Variants in SLC48A1 observed in about 807,000 individuals in gnomAD.
SLC48A1 encodes the protein solute carrier family 48 member 1.
Under a neutral mutation model 14.8 loss-of-function variants are expected in SLC48A1, and 6 were observed. That is an observed-to-expected ratio of 0.41 (90% CI 0.22 to 0.80). SLC48A1 has a LOEUF of 0.80. Ranked by LOEUF, SLC48A1 falls within the 30% of genes least tolerant of loss-of-function variation. SLC48A1 has a pLI of 0.34. For synonymous variants in SLC48A1, 89 were observed against 90.0 expected (o/e 0.99, Z 0.06); for missense variants, 165 against 204.8 (o/e 0.81, Z 1.19).
At chr12:47,761,629 C>G (rs1942383609) in intron 2 of SLC48A1, among the ~76,000 whole-genome samples, 1 of 152,192 alleles carries the variant, frequency 6.6e-6, no homozygotes, top group Non-Finnish European at 1.5e-5. Context: ...CTAGAAGGGG[C>G]AGAGGACTGG....
At chr12:47,780,057 G>C in intron 2 of SLC48A1, 88 bp from the exon 3 acceptor site, 3 of 1,428,378 alleles carry the variant, frequency 2.1e-6, no homozygotes, top group Non-Finnish European at 2.8e-6. Context: ...GGGATGTTGA[G>C]TGGGGAGGGT....
chr12:47,760,271 C>A (rs1342049451), exon 2 of SLC48A1: 1 of 985,288 alleles, frequency 1.0e-6, no homozygotes. Flanking sequence ...AATGCCTCTC[C>A]GGGGAAGGAG....
chr12:47,765,069 T>C (rs1421382930), intron 2 of SLC48A1, among the ~76,000 whole-genome samples: 2 of 86,346 alleles, frequency 2.3e-5, no homozygotes, highest in African/African-American at 4.8e-5. Flanking sequence ...AGAGTGAGAC[T>C]CTGTCTCAAA....
At chr12:47,774,221 C>G (rs980982183) in intron 1 of SLC48A1, among the ~76,000 whole-genome samples, 2 of 152,334 alleles carry the variant, frequency 1.3e-5, no homozygotes, top group South Asian at 4.1e-4. Context: ...CACATTTGGG[C>G]TCGCAGTTTA....
rs1592609934 is a variant in SLC48A1 at position 47,778,831 on chromosome 12, T to C, written c.137-197T>C. 17 of 495,300 alleles carry C rather than the reference T, an allele frequency of 3.4e-5. No homozygotes were observed. In the East Asian group the frequency reaches 5.4e-4, roughly 16 times the overall value. The allele number at this position is 495,300 out of a possible 1,614,324, so 30.7% of individuals were successfully genotyped here. ...TTTGTATTTCTGCAGGTTTCTCTAA[T>C]GTTGGGCTTACTAGCAGGCAGCTCA... is the stretch of plus-strand genomic sequence containing the variant. On this transcript the variant is annotated intron_variant, in intron 1 of 2. Transcript: ENST00000442218.
chr12:47,757,889 T>A, upstream of SLC48A1: 4 of 1,555,752 alleles, frequency 2.6e-6, no homozygotes, highest in Non-Finnish European at 3.5e-6. Flanking sequence ...TGGATGCAGC[T>A]CGGACGCTGG....
intron 1 of SLC48A1, 44 bp downstream of exon 1, chr12:47,773,484 G>A (rs1942672725): frequency 7.8e-7 from 1 of 1,289,694 alleles, no homozygotes; most frequent in Non-Finnish European, 9.9e-7. Context: ...GCGCGGCTGC[G>A]GGGCGGGCGC....
At chr12:47,764,527 C>T (rs1000875369) in intron 2 of SLC48A1, among the ~76,000 whole-genome samples, 8 of 152,186 alleles carry the variant, frequency 5.3e-5, no homozygotes, top group African/African-American at 9.7e-5. Flanking sequence ...GGGCCCTGTT[C>T]CCTGCTTAGG....
rs559548972 is a variant in SLC48A1 at position 47,777,776 on chromosome 12, C to T, written c.137-1252C>T. ...AGCGTAGATAAAATAGCATAGATTT[C>T]CCACCCAGCCTAAGAAACAAAATAG... On this transcript the variant is annotated intron_variant, in intron 1 of 2. Transcript: ENST00000442218. This position sits in a 1 kb window ranked among gnomAD's most constrained non-coding sequence, Gnocchi z 4.5. Among the ~76,000 whole-genome samples the T allele has an allele frequency of 6.6e-6, 1 of 152,312 alleles. No homozygotes were observed. Among genetic ancestry groups the T allele is most frequent in the African/African-American group, 2.4e-5 (1 of 41,552 alleles).
rs951814336 is a variant in SLC48A1 at position 47,758,758 on chromosome 12, T to C, written c.-373+98T>C. ...GGTGGAGAGGCTCCTCTTGGGTGAG[T>C]AGAGGGGTGGGGGCGTGGTGGGGGG... On this transcript the variant is annotated intron_variant, in intron 1 of 4. Transcript: ENST00000547002. 2.5e-5 allele frequency: 31 copies of C among 1,243,250 alleles called. No homozygotes were observed. The African/African-American group carries it at 3.9e-4, about 16-fold the overall frequency. 77.0% of individuals were successfully genotyped at this position (1,243,250 alleles called of 1,614,324 possible).
intron 1 of SLC48A1, among the ~76,000 whole-genome samples, chr12:47,776,565 G>A (rs557745712): frequency 6.6e-6 from 1 of 152,348 alleles, no homozygotes; most frequent in East Asian, 1.9e-4. Flanking sequence ...GCCAGGGCGT[G>A]GGCAGCAGGC....
chr12:47,778,871 T>A, intron 1 of SLC48A1, 157 bp from the exon 2 acceptor site: 1 of 821,178 alleles, frequency 1.2e-6, no homozygotes, highest in Non-Finnish European at 1.8e-6. Context: ...CTTACCTGCT[T>A]CTGATATCAC....
At chr12:47,761,555 G>A (rs1942381446) in intron 2 of SLC48A1, among the ~76,000 whole-genome samples, 1 of 152,200 alleles carries the variant, frequency 6.6e-6, no homozygotes, top group Non-Finnish European at 1.5e-5. Context: ...GCCTTCTCAG[G>A]ATCCCTGGAT....
upstream of SLC48A1, among the ~76,000 whole-genome samples, chr12:47,767,634 T>C (rs140177336): frequency 6.6e-6 from 1 of 152,186 alleles, no homozygotes; most frequent in African/African-American, 2.4e-5. Flanking sequence ...AAAGTAAAAA[T>C]ACAATTTTTT....
chr12:47,773,130 C>T (rs1460152526), upstream of SLC48A1: 2 of 926,792 alleles, frequency 2.2e-6, no homozygotes, highest in African/African-American at 3.6e-5. Context: ...GTTCCGGGCG[C>T]GGGCGGCCTC....
At chr12:47,762,786 C>T (rs973132235) in intron 2 of SLC48A1, among the ~76,000 whole-genome samples, 2 of 152,206 alleles carry the variant, frequency 1.3e-5, no homozygotes, top group Non-Finnish European at 2.9e-5. Context: ...ACTGCTACCT[C>T]CTGCCCCGAT....
At chr12:47,758,681 C>G (rs1280009252) in intron 1 of SLC48A1, 57 of 1,515,106 alleles carry the variant, frequency 3.8e-5, no homozygotes, top group Non-Finnish European at 4.9e-5. Flanking sequence ...GTACAGTGAA[C>G]TGGGCCAGTG....
intron 2 of SLC48A1, among the ~76,000 whole-genome samples, chr12:47,765,216 G>C (rs1413467150): frequency 6.6e-6 from 1 of 151,474 alleles, no homozygotes; most frequent in Non-Finnish European, 1.5e-5. Flanking sequence ...AAACAGAAAA[G>C]TGGGGTCCAC....
At chr12:47,778,878 T>C in intron 1 of SLC48A1, 150 bp from the exon 2 acceptor site, 1 of 901,280 alleles carries the variant, frequency 1.1e-6, no homozygotes, top group Non-Finnish European at 1.6e-6. Flanking sequence ...GCTTCTGATA[T>C]CACAGCCTCC....
Sources: allele counts gnomAD v4.1 joint callset (sites outside exome capture counted in the v4.1 genomes callset), GRCh38; gene constraint gnomAD v4.1.1; non-coding constraint Gnocchi (gnomAD v3.1); transcripts MANE v1.5; gene names NCBI Gene and HGNC (gene_info 2026-07-23, HGNC 2026-07-21).